Variants in ADGRG7 observed in about 807,000 individuals in gnomAD.
The protein encoded by ADGRG7 is G-protein coupled receptor 128.
Under a neutral mutation model 88.6 loss-of-function variants are expected in ADGRG7, and 82 were observed. The observed-to-expected ratio is 0.93, with a 90% CI of 0.77 to 1.11. The LOEUF (loss-of-function observed/expected upper bound fraction) is 1.11, where lower values mean the gene tolerates loss of function less well. ADGRG7 is among the 50% of genes most tolerant of loss of function. ADGRG7 has a pLI of 0.00. For missense variants in ADGRG7, 945 were observed against 953.4 expected, an observed-to-expected ratio of 0.99 and a Z score of 0.12; for synonymous variants, 381 against 345.2, an observed-to-expected ratio of 1.10 and a Z score of -1.15.
At chr3:100,655,277 C>T (rs12633554) in intron 12 of ADGRG7, 96 bp downstream of exon 12, 60,060 of 823,046 alleles carry the variant, frequency 0.073, 3,491 homozygotes, top group East Asian at 0.25. Flanking sequence ...AAGGCCTTGA[C>T]GTAATTAAGA....
chr3:100,626,661 C>T (rs1707384732), intron 1 of ADGRG7, among the ~76,000 whole-genome samples: 1 of 151,978 alleles, frequency 6.6e-6, no homozygotes, highest in Non-Finnish European at 1.5e-5. Context: ...GGCATGTGCC[C>T]GTAGTCCCAG....
intron 6 of ADGRG7, among the ~76,000 whole-genome samples, chr3:100,641,197 T>C (rs554949749): frequency 2.0e-4 from 31 of 152,242 alleles, no homozygotes; most frequent in Non-Finnish European, 4.3e-4. Context: ...GAAGCACAAA[T>C]TCCAAAAAAT....
chr3:100,687,629 G>A (rs978180969), intron 15 of ADGRG7, among the ~76,000 whole-genome samples: 13 of 152,186 alleles, frequency 8.5e-5, no homozygotes, highest in African/African-American at 3.1e-4. Context: ...CATCTATTGA[G>A]ATAATCATGT....
At chr3:100,665,618 G>C (rs2094950804) in intron 14 of ADGRG7, 1 of 345,096 alleles carries the variant, frequency 2.9e-6, no homozygotes. Context: ...GAAGAAATAT[G>C]GTTAAAATAT....
At chr3:100,657,894 T>C (rs2094939755) in intron 13 of ADGRG7, among the ~76,000 whole-genome samples, 1 of 152,216 alleles carries the variant, frequency 6.6e-6, no homozygotes, top group Non-Finnish European at 1.5e-5. Context: ...TAATTTAAAT[T>C]AAAACTATTC....
rs1707561568 is a variant in ADGRG7, at chr3:100,637,317, A to G, written c.613A>G (p.Ile205Val). Residue 205 changes from isoleucine (I) to valine (V), a missense_variant, in exon 6 of 16, where the codon ATA (isoleucine) becomes GTA (valine). Physicochemically the swap from Ile to Val is conservative, Grantham distance 29 (BLOSUM62 3). Coordinates refer to ENST00000273352, the MANE Select transcript of ADGRG7 (RefSeq NM_032787.3). ...TCTTTGGCAGGCAAAGAAAGTTGCC[A>G]TAGTAACAGTGAGTCAACTCCTAGA... ...NASPEAKKVAIVTVSQLLDAS... is the reference protein window; with the variant it reads ...NASPEAKKVAVVTVSQLLDAS... The G allele has an allele frequency of 6.2e-7, 1 of 1,613,256 alleles. No homozygotes were observed. Among genetic ancestry groups the G allele is most frequent in the Non-Finnish European group, 8.5e-7 (1 of 1,179,310 alleles).
intron 11 of ADGRG7, among the ~76,000 whole-genome samples, chr3:100,651,347 A>G (rs76137149): frequency 0.015 from 2,315 of 152,310 alleles, 48 homozygotes; most frequent in African/African-American, 0.052. Flanking sequence ...AATTTGTCTC[A>G]TTATTTGTAT....
chr3:100,664,583 T>C (rs1463047116), intron 14 of ADGRG7, among the ~76,000 whole-genome samples: 2 of 152,226 alleles, frequency 1.3e-5, no homozygotes, highest in South Asian at 2.1e-4. Flanking sequence ...CAGTAAATTA[T>C]TCATGGCTCA....
At chr3:100,648,668 C>G (rs1050219485) in intron 10 of ADGRG7, among the ~76,000 whole-genome samples, 6 of 152,210 alleles carry the variant, frequency 3.9e-5, no homozygotes, top group Middle Eastern at 3.4e-3. Context: ...AAAAGACAGG[C>G]TCTCAAGAGG....
At chr3:100,625,577 G>A (rs1707369754) in intron 1 of ADGRG7, among the ~76,000 whole-genome samples, 1 of 151,930 alleles carries the variant, frequency 6.6e-6, no homozygotes. Flanking sequence ...GAATAGGGTT[G>A]GTGAGAGGGG....
intron 1 of ADGRG7, among the ~76,000 whole-genome samples, chr3:100,618,938 T>C (rs1707266962): frequency 6.6e-6 from 1 of 152,200 alleles, no homozygotes; most frequent in Non-Finnish European, 1.5e-5. Flanking sequence ...TTCACGTCCT[T>C]TGTAAGTTGG....
Position 100,649,725 on chromosome 3 carries a change from T to C in ADGRG7, c.1297T>C (p.Ser433Pro), listed in dbSNP as rs768979753. 3.7e-6 allele frequency: 6 copies of C among 1,607,992 alleles called. No individual in the cohort carries two copies. Among genetic ancestry groups the C allele is most frequent in the Middle Eastern group, 1.7e-4 (1 of 6,052 alleles). The change falls in exon 11 of 16, where the codon TCA (serine) becomes CCA (proline). Residue 433 changes from serine to proline, a missense_variant. Transcript: ENST00000273352. ...TFKKDYQYPK[S>P]LDILSNVGCA... ...CAAAAAGGATTATCAATATCCCAAA[T>C]CACTTGACATATTATCCAACGTTGG...
chr3:100,646,216 G>C (rs1370804704), intron 9 of ADGRG7, 108 bp downstream of exon 9: 12 of 645,718 alleles, frequency 1.9e-5, no homozygotes, highest in Non-Finnish European at 3.1e-5. Context: ...GAATAGGAGG[G>C]CGGGGGGGAG....
chr3:100,692,804 T>C (rs1346111304), intron 15 of ADGRG7, among the ~76,000 whole-genome samples: 2 of 152,168 alleles, frequency 1.3e-5, no homozygotes, highest in Admixed American at 6.5e-5. Context: ...TTACATAGTA[T>C]GTTAAAATGC....
chr3:100,643,734 T>A (rs944176844), intron 8 of ADGRG7, 101 bp downstream of exon 8: 5 of 734,084 alleles, frequency 6.8e-6, no homozygotes, highest in Non-Finnish European at 1.1e-5. Context: ...CTTAGTTTCA[T>A]ACTGAGTAAT....
At chr3:100,685,839 G>T (rs927669939) in intron 15 of ADGRG7, among the ~76,000 whole-genome samples, 8 of 152,206 alleles carry the variant, frequency 5.3e-5, no homozygotes, top group African/African-American at 1.9e-4. Flanking sequence ...AAACATACGT[G>T]TGCATGTGTT....
At chr3:100,634,044 T>C (rs1449045764) in intron 4 of ADGRG7, among the ~76,000 whole-genome samples, 2 of 152,178 alleles carry the variant, frequency 1.3e-5, no homozygotes, top group Non-Finnish European at 2.9e-5. Context: ...TCAAAGACCC[T>C]TGGAAACAGG....
At chr3:100,657,688 C>A (rs2094939548) in intron 13 of ADGRG7, among the ~76,000 whole-genome samples, 1 of 152,192 alleles carries the variant, frequency 6.6e-6, no homozygotes, top group Admixed American at 6.5e-5. Flanking sequence ...GCTCTGCAGA[C>A]CTCAAGTCCA....
intron 1 of ADGRG7, among the ~76,000 whole-genome samples, chr3:100,618,680 G>A (rs1452032148): frequency 6.6e-6 from 1 of 152,166 alleles, no homozygotes; most frequent in East Asian, 1.9e-4. Context: ...TTTTGGCTTA[G>A]GATTGACTTG....
Sources: allele counts gnomAD v4.1 joint callset (sites outside exome capture counted in the v4.1 genomes callset), GRCh38; gene constraint gnomAD v4.1.1; transcripts MANE v1.5; gene names NCBI Gene and HGNC (gene_info 2026-07-23, HGNC 2026-07-21).